ERI1: variants seen among roughly 807,000 people sequenced by gnomAD.
The protein encoded by ERI1 is exoribonuclease 1.
Under a neutral mutation model 39.7 loss-of-function variants are expected in ERI1, and 39 were observed. The ratio of observed to expected loss-of-function variants is 0.98; its 90% CI spans 0.76 to 1.28. ERI1 has a LOEUF of 1.28. ERI1 is among the 50% of genes most tolerant of loss of function. ERI1 has a pLI of 0.00. For synonymous variants in ERI1, 204 were observed against 149.6 expected, an observed-to-expected ratio of 1.36 and a Z score of -2.65; for missense variants, 581 against 416.9, an observed-to-expected ratio of 1.39 and a Z score of -3.43.
intron 3 of ERI1, among the ~76,000 whole-genome samples, chr8:9,047,168 C>G (rs1030863537): frequency 6.6e-6 from 1 of 152,186 alleles, no homozygotes; most frequent in African/African-American, 2.4e-5. Flanking sequence ...TATTCACCTA[C>G]TTAGGAAACA....
chr8:9,057,309 T>C (rs1798540575), intron 3 of ERI1, among the ~76,000 whole-genome samples: 1 of 152,170 alleles, frequency 6.6e-6, no homozygotes, highest in African/African-American at 2.4e-5. Context: ...TGTCCCTGGC[T>C]CCTGTGTACG....
At chr8:9,004,082 G>A (rs1815686052) in intron 1 of ERI1, 1 of 1,289,152 alleles carries the variant, frequency 7.8e-7, no homozygotes, top group Non-Finnish European at 1.0e-6. Flanking sequence ...AGTGCCCCTC[G>A]CTGCCTTGTG....
downstream of ERI1, among the ~76,000 whole-genome samples, chr8:9,034,165 C>T (rs574503579): frequency 6.6e-6 from 1 of 152,208 alleles, no homozygotes; most frequent in Admixed American, 6.5e-5. Flanking sequence ...GATTCCTTAC[C>T]AAGACTTGGG....
chr8:9,086,856 A>G (rs578190934), intron 3 of ERI1, among the ~76,000 whole-genome samples: 2 of 152,292 alleles, frequency 1.3e-5, no homozygotes, highest in African/African-American at 4.8e-5. Context: ...ATTATTCTGT[A>G]TGTTTTCCTG....
chr8:9,054,216 A>C (rs1406540923), intron 3 of ERI1, among the ~76,000 whole-genome samples: 1 of 152,184 alleles, frequency 6.6e-6, no homozygotes, highest in Non-Finnish European at 1.5e-5. Flanking sequence ...TAAATAACCT[A>C]TTTTGGACTC....
At chr8:9,008,839 G>C (rs555873728) in intron 2 of ERI1, among the ~76,000 whole-genome samples, 15 of 152,300 alleles carry the variant, frequency 9.8e-5, no homozygotes, top group East Asian at 3.9e-4. Flanking sequence ...AAAATTGCCT[G>C]TATGAAATAG....
chr8:9,066,440 T>C (rs1206196514), intron 3 of ERI1, among the ~76,000 whole-genome samples: 1 of 152,194 alleles, frequency 6.6e-6, no homozygotes, highest in African/African-American at 2.4e-5. Flanking sequence ...AATGCAAAGA[T>C]GGCTTTTCAG....
At chr8:9,018,940 T>G (rs143641980) in intron 5 of ERI1, among the ~76,000 whole-genome samples, 421 of 152,322 alleles carry the variant, frequency 2.8e-3, no homozygotes, top group Admixed American at 5.8e-3. Context: ...CCTTGAAACC[T>G]TATAATTTCT....
intron 5 of ERI1, among the ~76,000 whole-genome samples, chr8:9,018,996 T>C (rs532639196): frequency 6.6e-6 from 1 of 152,358 alleles, no homozygotes; most frequent in East Asian, 1.9e-4. Flanking sequence ...TATTCTGATA[T>C]ATAATCTTTG....
chr8:9,016,270 C>A, intron 3 of ERI1, 52 bp from the exon 4 acceptor site: 2 of 1,136,274 alleles, frequency 1.8e-6, no homozygotes, highest in South Asian at 1.4e-5. Context: ...TATCATGTAT[C>A]GTGTATCTTA....
chr8:9,016,303 T>TG lies in ERI1; in HGVS notation c.499-18dup. The TG allele has an allele frequency of 6.5e-7, 1 of 1,533,496 alleles. No homozygotes were observed. Among genetic ancestry groups the TG allele is most frequent in the Non-Finnish European group, 8.9e-7 (1 of 1,119,332 alleles). The allele number at this position is 1,533,496 out of a possible 1,614,324, so 95.0% of individuals were successfully genotyped here. A position where few individuals can be genotyped will look rare whatever the true frequency, so the allele number is the denominator to read the frequency against. On this transcript the variant is annotated intron_variant, in intron 3 of 6. Coordinates refer to ENST00000250263, the MANE Select transcript of ERI1 (RefSeq NM_153332.4). ...TTAACTCATATAAATTACTTTAACT[T>TG]GCTATCCTTCCCTTGCAGGAAGACA...
chr8:9,094,998 T>C (rs1799832316), intron 3 of ERI1, among the ~76,000 whole-genome samples: 3 of 152,054 alleles, frequency 2.0e-5, no homozygotes, highest in South Asian at 2.1e-4. Context: ...GGAAAGAGAA[T>C]GGGCTTTGGA....
chr8:9,007,965 G>A lies in ERI1; in HGVS notation c.109-5G>A. On this transcript the variant is annotated splice_region_variant and splice_polypyrimidine_tract_variant and intron_variant, in intron 1 of 6. Coordinates refer to ENST00000250263, the MANE Select transcript of ERI1 (RefSeq NM_153332.4). Reference sequence around the variant, plus strand: ...TTTTTTTTTTTTTTTTTTTTTTTTTGGTAGGAAACTCAACAGTGTAAATTT... The same window carrying A: ...TTTTTTTTTTTTTTTTTTTTTTTTTAGTAGGAAACTCAACAGTGTAAATTT... 5 of 563,722 alleles carry A rather than the reference G, an allele frequency of 8.9e-6. No individual in the cohort carries two copies. The highest frequency in any genetic ancestry group is 9.9e-6 in the Non-Finnish European group (4 of 405,080). The allele number at this position is 563,722 out of a possible 1,614,324, so 34.9% of individuals were successfully genotyped here. A position where few individuals can be genotyped will look rare whatever the true frequency, so the allele number is the denominator to read the frequency against.
At chr8:9,069,362 T>G (rs962785597) in intron 3 of ERI1, among the ~76,000 whole-genome samples, 1 of 152,256 alleles carries the variant, frequency 6.6e-6, no homozygotes, top group Non-Finnish European at 1.5e-5. Flanking sequence ...TTTGTTGCAA[T>G]GTATTTTAGA....
intron 6 of ERI1, among the ~76,000 whole-genome samples, chr8:9,027,451 A>G (rs1219530550): frequency 6.6e-6 from 1 of 152,144 alleles, no homozygotes; most frequent in Admixed American, 6.5e-5. Flanking sequence ...ATTTCACTCT[A>G]CTGATAACGT....
chr8:9,093,815 G>A (rs1169294902), intron 3 of ERI1, among the ~76,000 whole-genome samples: 1 of 152,054 alleles, frequency 6.6e-6, no homozygotes. Flanking sequence ...GACCTCAGAC[G>A]ATCCACTCGC....
intron 4 of ERI1, among the ~76,000 whole-genome samples, chr8:9,016,640 CTG>C (rs1483604338): frequency 6.6e-6 from 1 of 151,438 alleles, no homozygotes; most frequent in Non-Finnish European, 1.5e-5. Flanking sequence ...AAGATTTCGT[CTG>C]TAAAATGCAT....
intron 3 of ERI1, among the ~76,000 whole-genome samples, chr8:9,089,883 GGGA>G (rs1430696400): frequency 4.0e-5 from 6 of 151,732 alleles, no homozygotes; most frequent in Middle Eastern, 3.5e-3. Context: ...AAATAAGATT[GGGA>G]GGAGGAGGAT....
intron 3 of ERI1, among the ~76,000 whole-genome samples, chr8:9,068,948 G>C (rs554226291): frequency 6.6e-6 from 1 of 152,074 alleles, no homozygotes; most frequent in Non-Finnish European, 1.5e-5. Context: ...CTCCCTAGTA[G>C]CTGGGACTAC....
Sources: gnomAD v4.1 joint callset for allele counts (sites outside exome capture counted in the v4.1 genomes callset) on GRCh38, gnomAD v4.1.1 for gene constraint, MANE v1.5 for transcripts, NCBI Gene and HGNC (gene_info 2026-07-23, HGNC 2026-07-21) for gene names.